RAPGEF6: variants seen among roughly 807,000 people sequenced by gnomAD.
RAPGEF6 encodes PDZ domain containing guanine nucleotide exchange factor (GEF) 2.
Under a neutral mutation model 171.4 loss-of-function variants are expected in RAPGEF6, and 56 were observed. The ratio of observed to expected loss-of-function variants is 0.33; its 90% CI spans 0.26 to 0.41. RAPGEF6 has a LOEUF of 0.41. RAPGEF6 is among the 10% of genes least tolerant of loss of function. The pLI, the probability that RAPGEF6 is intolerant of heterozygous loss-of-function variation, is 1.00. For synonymous variants in RAPGEF6, 692 were observed against 650.1 expected, an observed-to-expected ratio of 1.06 and a Z score of -0.98; for missense variants, 1,674 against 1,921.4, an observed-to-expected ratio of 0.87 and a Z score of 2.41.
chr5:131,534,330 C>G (rs763848499), intron 6 of RAPGEF6, among the ~76,000 whole-genome samples: 2 of 152,040 alleles, frequency 1.3e-5, no homozygotes, highest in Non-Finnish European at 2.9e-5. Flanking sequence ...TGCTGCCAAT[C>G]TGAATTACAC....
chr5:131,635,146 A>G lies in RAPGEF6; in HGVS notation c.-116T>C. On this transcript the variant is annotated 5_prime_UTR_variant, in exon 1 of 28. Transcript: ENST00000509018. ...CCCCAAGGAGGGAACTTCGCGCCGT[A>G]ACAAGGTCCGAACTCTAGCAAACAA... 9.1e-7 allele frequency: 1 copy of G among 1,102,546 alleles called. No homozygotes were observed. Among genetic ancestry groups the G allele is most frequent in the Non-Finnish European group, 1.3e-6 (1 of 792,894 alleles). 68.3% of individuals were successfully genotyped at this position (1,102,546 alleles called of 1,614,324 possible). A position where few individuals can be genotyped will look rare whatever the true frequency, so the allele number is the denominator to read the frequency against.
intron 1 of RAPGEF6, among the ~76,000 whole-genome samples, chr5:131,631,303 G>A (rs909355410): frequency 6.6e-6 from 1 of 152,068 alleles, no homozygotes; most frequent in African/African-American, 2.4e-5. Flanking sequence ...TTCTGATCTT[G>A]CCCCTAAAAC....
At chr5:131,593,755 A>G (rs986552275) in intron 3 of RAPGEF6, among the ~76,000 whole-genome samples, 1 of 152,242 alleles carries the variant, frequency 6.6e-6, no homozygotes, top group Non-Finnish European at 1.5e-5. Flanking sequence ...AACTTGAGAC[A>G]TGATTTAGGG....
intron 17 of RAPGEF6, among the ~76,000 whole-genome samples, chr5:131,466,373 C>T (rs1754345935): frequency 6.6e-6 from 1 of 152,158 alleles, no homozygotes. Context: ...CTGACATCAT[C>T]AGGTTTTTAA....
intron 4 of RAPGEF6, among the ~76,000 whole-genome samples, chr5:131,586,541 G>C (rs1272193897): frequency 6.6e-6 from 1 of 152,118 alleles, no homozygotes; most frequent in African/African-American, 2.4e-5. Context: ...TTAGGCAGGA[G>C]AATTGCTTGA....
intron 4 of RAPGEF6, among the ~76,000 whole-genome samples, chr5:131,591,841 C>T (rs1266257833): frequency 6.6e-6 from 1 of 152,078 alleles, no homozygotes; most frequent in Non-Finnish European, 1.5e-5. Flanking sequence ...TAAATCAGAT[C>T]AAATCGTACA....
intron 6 of RAPGEF6, among the ~76,000 whole-genome samples, chr5:131,528,756 A>T (rs975581849): frequency 6.6e-6 from 1 of 152,118 alleles, no homozygotes. Context: ...CAGGGCAGTG[A>T]CAGTGAATGA....
At chr5:131,500,677 G>A (rs1243145184) in intron 11 of RAPGEF6, among the ~76,000 whole-genome samples, 1 of 151,948 alleles carries the variant, frequency 6.6e-6, no homozygotes, top group Non-Finnish European at 1.5e-5. Context: ...ATATCTTCTT[G>A]CTATTTCTTC....
rs143194083 is a variant in RAPGEF6, at chr5:131,476,314, G to A, written c.2081+3199C>T. ...TTTTAAAATATTTATTGGCTAGTGC[G>A]GTAGCTCAAACCTGTAATCCCAGCA... On this transcript the variant is annotated intron_variant, in intron 16 of 27. Coordinates refer to ENST00000509018, the MANE Select transcript of RAPGEF6 (RefSeq NM_016340.6). Among the ~76,000 whole-genome samples the A allele has an allele frequency of 5.2e-3, 794 of 152,142 alleles. 6 individuals are homozygous for A. The highest frequency in any genetic ancestry group is 0.018 in the African/African-American group (752 of 41,518).
chr5:131,633,938 G>A (rs1222392408), intron 1 of RAPGEF6, among the ~76,000 whole-genome samples: 1 of 152,130 alleles, frequency 6.6e-6, no homozygotes, highest in East Asian at 1.9e-4. Flanking sequence ...GAGAACTCTG[G>A]AAAGTGGTAG....
chr5:131,432,259 T>C (rs1751753211), intron 25 of RAPGEF6, among the ~76,000 whole-genome samples: 1 of 152,176 alleles, frequency 6.6e-6, no homozygotes, highest in African/African-American at 2.4e-5. Context: ...TCATTTACAG[T>C]ATAGTGCAGG....
intron 1 of RAPGEF6, among the ~76,000 whole-genome samples, chr5:131,632,319 T>A (rs1444223001): frequency 6.6e-6 from 1 of 152,152 alleles, no homozygotes; most frequent in East Asian, 1.9e-4. Context: ...TTGCAACGAT[T>A]GCTCCCTTTG....
At chr5:131,477,432 A>T (rs1162550674) in intron 16 of RAPGEF6, among the ~76,000 whole-genome samples, 1 of 152,204 alleles carries the variant, frequency 6.6e-6, no homozygotes, top group Non-Finnish European at 1.5e-5. Flanking sequence ...CAAGAGACCC[A>T]ATAATCCCTT....
At chr5:131,529,786 CT>C (rs1759243229) in intron 6 of RAPGEF6, among the ~76,000 whole-genome samples, 1 of 151,218 alleles carries the variant, frequency 6.6e-6, no homozygotes, top group Non-Finnish European at 1.5e-5. Context: ...TGGTGTGCAT[CT>C]GTGGTCCCAG....
Position 131,479,543 on chromosome 5 carries a change from C to T in RAPGEF6, c.2051G>A (p.Arg684Gln), listed in dbSNP as rs1755329062. 6 of 1,613,782 alleles carry T rather than the reference C, an allele frequency of 3.7e-6. No individual in the cohort carries two copies. Among genetic ancestry groups the T allele is most frequent in the African/African-American group, 2.7e-5 (2 of 74,880 alleles). ...TAGCTTTGGAGGCAAGATACTAAAT[C>T]GTGTTTTATCCAAAATCTTCCTGAT... ...NKIRKILDKT[R>Q]FSILPPKLFS... The change falls in exon 16 of 28, where the codon CGA becomes CAA. Residue 684 changes from arginine to glutamine, a missense_variant. Physicochemically the swap from Arg to Gln is conservative, Grantham distance 43. Around this residue, in one of 3 missense-constraint regions of RAPGEF6, gnomAD observed 1,116 missense variants for 1,321.5 expected, o/e 0.84. Coordinates refer to ENST00000509018, the MANE Select transcript of RAPGEF6 (RefSeq NM_016340.6).
Position 131,592,430 on chromosome 5 carries a change from AAGT to A in RAPGEF6, c.231_233del (p.Leu78del). 1 of 1,614,008 alleles carries A rather than the reference AAGT, an allele frequency of 6.2e-7. No homozygotes were observed. The highest frequency in any genetic ancestry group is 8.5e-7 in the Non-Finnish European group (1 of 1,179,864). On this transcript the variant is annotated inframe_deletion, in exon 4 of 28. Coordinates refer to ENST00000509018, the MANE Select transcript of RAPGEF6 (RefSeq NM_016340.6). ...AGCCTTTCACAAGCACAGATCCAGA[AAGT>A]AGGATATACCAACATCTGGCAATCG...
chr5:131,462,109 AAATAAATGTATTCATAAATATG>A, intron 18 of RAPGEF6, 21 bp from the exon 19 acceptor site: 1 of 1,426,630 alleles, frequency 7.0e-7, no homozygotes, highest in Non-Finnish European at 9.3e-7. Context: ...AAATTTTTTT[AAATAAATGTATTCATAAATATG>A]ATTAAATAAG....
chr5:131,496,689 T>C (rs28610), intron 12 of RAPGEF6, among the ~76,000 whole-genome samples: 96,946 of 152,044 alleles, frequency 0.64, 32,656 homozygotes, highest in Non-Finnish European at 0.77. Context: ...TATTAGTACT[T>C]CTTTTCTTCT....
Position 131,430,976 on chromosome 5 carries a change from C to T in RAPGEF6, c.4348G>A (p.Val1450Ile). 6.2e-7 allele frequency: 1 copy of T among 1,614,190 alleles called. No individual in the cohort carries two copies. The highest frequency in any genetic ancestry group is 8.5e-7 in the Non-Finnish European group (1 of 1,180,034). ...SDTYEPNYGT[V>I]KQRVLESTPA... is the part of the protein sequence containing the mutation. ...GTGCTCTCCAATACTCTCTGTTTAA[C>T]TGTCCCATAGTTTGGTTCATACGTG... Residue 1450 changes from valine to isoleucine, a missense_variant, in exon 26 of 28, where the codon GTT becomes ATT. Coordinates refer to ENST00000509018, the MANE Select transcript of RAPGEF6 (RefSeq NM_016340.6).
Sources: gnomAD v4.1 joint callset for allele counts (sites outside exome capture counted in the v4.1 genomes callset) on GRCh38, gnomAD v4.1.1 for gene constraint, gnomAD v4.1.1 regional missense constraint, MANE v1.5 for transcripts, NCBI Gene and HGNC (gene_info 2026-07-23, HGNC 2026-07-21) for gene names.